The following IL1RAP variants were observed in gnomAD, a reference collection of about 807,000 sequenced individuals.
IL1RAP encodes interleukin-1 receptor accessory protein.
In IL1RAP, 35 loss-of-function variants were observed where a neutral mutation model predicts 60.7. The ratio of observed to expected loss-of-function variants is 0.58; its 90% CI spans 0.44 to 0.76. The LOEUF is 0.76. Among genes scored for constraint, IL1RAP ranks in the 30% least tolerant of loss-of-function variants. The probability of loss-of-function intolerance (pLI) is 0.00; values close to 1 mark genes in which losing one functional copy is unlikely to be tolerated. For missense variants in IL1RAP, 572 were observed against 693.9 expected (o/e 0.82, Z 1.97); for synonymous variants, 268 against 250.9 (o/e 1.07, Z -0.64).
At position 190,649,314 on chromosome 3, in the gene IL1RAP, G is replaced by C; in HGVS notation, c.*609G>C. 1 of 984,878 alleles carries C rather than the reference G, an allele frequency of 1.0e-6. No homozygotes were observed. Among genetic ancestry groups the C allele is most frequent in the Non-Finnish European group, 1.2e-6 (1 of 829,112 alleles). The allele number at this position is 984,878 out of a possible 1,614,324, so 61.0% of individuals were successfully genotyped here. On this transcript the variant is annotated 3_prime_UTR_variant, in exon 12 of 12. Transcript: ENST00000447382. The stretch of plus-strand genomic sequence containing the variant: ...AGGACTTGTCTTCTATACCACCCTT[G>C]TCCTCATCTCAGGTAATTTATGAAA...
At chr3:190,539,003 C>G (rs1723708822) in intron 1 of IL1RAP, among the ~76,000 whole-genome samples, 1 of 152,080 alleles carries the variant, frequency 6.6e-6, no homozygotes, top group African/African-American at 2.4e-5. Flanking sequence ...TAAAAATTAC[C>G]CAGTTTTGGA....
chr3:190,609,266 AG>A (rs1185128592), intron 5 of IL1RAP, 85 bp downstream of exon 5: 2 of 940,650 alleles, frequency 2.1e-6, no homozygotes, highest in Admixed American at 5.5e-5. Context: ...TTATAAGCAA[AG>A]GTGTTTCTCT....
In IL1RAP at chr3:190,644,251, C is replaced by T; in HGVS notation, c.1055C>T (p.Pro352Leu). Residue 352 changes from proline to leucine, a missense_variant, in exon 10 of 12, where the codon CCA (proline) becomes CTA (leucine). Transcript: ENST00000447382. Reference protein sequence around the residue: ...AKAAKVKQKVPAPRYTVELAC... With the variant: ...AKAAKVKQKVLAPRYTVELAC... ...GTTTCTTTGTTGTTCATTCCAGTGC[C>T]AGCTCCAAGATACACAGTGGAACTG... The T allele has an allele frequency of 1.9e-6, 3 of 1,612,046 alleles. No homozygotes were observed. The highest frequency in any genetic ancestry group is 2.5e-6 in the Non-Finnish European group (3 of 1,179,174).
chr3:190,603,472 A>G (rs1188096275), intron 3 of IL1RAP, among the ~76,000 whole-genome samples: 1 of 152,218 alleles, frequency 6.6e-6, no homozygotes, highest in South Asian at 2.1e-4. Flanking sequence ...GACAGTAGAC[A>G]TATGTGGCTA....
chr3:190,608,438 T>A (rs1354323088), intron 4 of IL1RAP, among the ~76,000 whole-genome samples: 1 of 152,146 alleles, frequency 6.6e-6, no homozygotes, highest in Non-Finnish European at 1.5e-5. Flanking sequence ...GCACTTATCA[T>A]GGATAGAGCT....
intron 4 of IL1RAP, among the ~76,000 whole-genome samples, chr3:190,607,917 C>A (rs75044401): frequency 1.3e-5 from 2 of 152,106 alleles, no homozygotes; most frequent in South Asian, 2.1e-4. Flanking sequence ...CCTTTTCTAT[C>A]GTTCTATCAT....
intron 3 of IL1RAP, among the ~76,000 whole-genome samples, chr3:190,591,158 G>A (rs1728906650): frequency 6.6e-6 from 1 of 152,166 alleles, no homozygotes; most frequent in Non-Finnish European, 1.5e-5. Flanking sequence ...GTTTGAAAGT[G>A]AAAAAGAGAG....
At chr3:190,578,684 T>A (rs1303346253) in intron 3 of IL1RAP, among the ~76,000 whole-genome samples, 4 of 152,198 alleles carry the variant, frequency 2.6e-5, no homozygotes, top group Non-Finnish European at 5.9e-5. Context: ...AATAAAGACA[T>A]ACCCAAGACT....
intron 1 of IL1RAP, among the ~76,000 whole-genome samples, chr3:190,546,660 C>T (rs1194214437): frequency 1.3e-5 from 2 of 152,140 alleles, no homozygotes; most frequent in Non-Finnish European, 2.9e-5. Context: ...AAGTAAGTCA[C>T]CAAGAGATTA....
At chr3:190,529,453 C>T (rs903966030) in intron 1 of IL1RAP, among the ~76,000 whole-genome samples, 1 of 150,570 alleles carries the variant, frequency 6.6e-6, no homozygotes, top group Non-Finnish European at 1.5e-5. Context: ...TTTGGGAGGC[C>T]GAGGCGGGCA....
At chr3:190,562,850 C>T (rs1025133499) in intron 2 of IL1RAP, among the ~76,000 whole-genome samples, 2 of 151,908 alleles carry the variant, frequency 1.3e-5, no homozygotes, top group African/African-American at 4.8e-5. Flanking sequence ...AAAAGATTTC[C>T]CCAAGGTCAT....
At position 190,607,710 on chromosome 3, in the gene IL1RAP, C is replaced by T. The variant is rs113180891; in HGVS notation, c.351-1285C>T. ...GCACCAATGTAATTCCCCAGTCATCCTAAGGAATTGTTATGTGTTTGTTTT... is the reference window on the plus strand; with the variant it reads ...GCACCAATGTAATTCCCCAGTCATCTTAAGGAATTGTTATGTGTTTGTTTT... On this transcript the variant is annotated intron_variant, in intron 4 of 11. Transcript: ENST00000447382. 7.4e-3 allele frequency among the ~76,000 whole-genome samples: 1,125 copies of T among 152,254 alleles called. 12 individuals are homozygous for T. Among genetic ancestry groups the T allele is most frequent in the African/African-American group, 0.026 (1,090 of 41,538 alleles).
chr3:190,564,094 AAAAC>A (rs1453081258), intron 2 of IL1RAP, 191 bp from the exon 3 acceptor site: 2 of 564,134 alleles, frequency 3.5e-6, no homozygotes, highest in Non-Finnish European at 6.4e-6. Context: ...TGGGAATTGA[AAAAC>A]AAACAACAAA....
intron 9 of IL1RAP, chr3:190,629,723 C>A: frequency 1.1e-5 from 14 of 1,229,400 alleles, no homozygotes; most frequent in Non-Finnish European, 1.0e-5. Flanking sequence ...CCAAATGTAG[C>A]TAAAAAAATC....
At chr3:190,618,605 C>T (rs933423387) in intron 5 of IL1RAP, among the ~76,000 whole-genome samples, 10 of 152,110 alleles carry the variant, frequency 6.6e-5, no homozygotes, top group African/African-American at 2.4e-4. Context: ...GGGGAAATAC[C>T]TTTGAACTGT....
At chr3:190,622,529 C>T (rs1731866870) in intron 6 of IL1RAP, among the ~76,000 whole-genome samples, 1 of 152,174 alleles carries the variant, frequency 6.6e-6, no homozygotes, top group Non-Finnish European at 1.5e-5. Flanking sequence ...ACAACTCTGC[C>T]TGAGTTGGCT....
intron 6 of IL1RAP, 129 bp from the exon 7 acceptor site, chr3:190,623,215 A>G: frequency 1.5e-6 from 1 of 686,656 alleles, no homozygotes; most frequent in South Asian, 1.6e-5. Context: ...TATATCTTGG[A>G]CTATAGGCCT....
rs188759161 is a variant in IL1RAP at position 190,621,813 on chromosome 3, C to A, written c.703+1373C>A. ...AATTAGGAAAAACCAAGTAACTTTG[C>A]TTTTGCATTTTTATATGGTTAATAT... On this transcript the variant is annotated intron_variant, in intron 6 of 11. Coordinates refer to ENST00000447382, the MANE Select transcript of IL1RAP (RefSeq NM_002182.4). 1.2e-4 allele frequency among the ~76,000 whole-genome samples: 17 copies of A among 141,562 alleles called. No homozygotes were observed. In the East Asian group the frequency reaches 3.4e-3, roughly 28 times the overall value. The allele number at this position is 141,562 out of a possible 152,430, so 92.9% of individuals were successfully genotyped here.
Position 190,572,859 on chromosome 3 carries a change from G to GTTTTTTTTTTTTT in IL1RAP, c.64+8516_64+8528dup, listed in dbSNP as rs1200775636. On this transcript the variant is annotated intron_variant, in intron 3 of 11. Coordinates refer to ENST00000447382, the MANE Select transcript of IL1RAP (RefSeq NM_002182.4). The stretch of plus-strand genomic sequence containing the variant: ...TCAGCATGTCCAGGGTTAATGCTTT[G>GTTTTTTTTTTTTT]TTTTTTTTTTTTTTTTTTTTTTGAG... Among the ~76,000 whole-genome samples the GTTTTTTTTTTTTT allele has an allele frequency of 2.4e-3, 92 of 39,044 alleles. 19 individuals are homozygous for GTTTTTTTTTTTTT. Among genetic ancestry groups the GTTTTTTTTTTTTT allele is most frequent in the South Asian group, 4.5e-3 (3 of 674 alleles). 25.6% of individuals were successfully genotyped at this position (39,044 alleles called of 152,430 possible).
Sources: allele counts gnomAD v4.1 joint callset (sites outside exome capture counted in the v4.1 genomes callset), GRCh38; gene constraint gnomAD v4.1.1; transcripts MANE v1.5; gene names NCBI Gene and HGNC (gene_info 2026-07-23, HGNC 2026-07-21).